CTSH: variants seen among roughly 807,000 people sequenced by gnomAD.
CTSH encodes the protein pro-cathepsin H.
CTSH carries 52 observed loss-of-function variants against 56.3 expected under a neutral mutation model. That is an observed-to-expected ratio of 0.92 (90% CI 0.74 to 1.16). The LOEUF (loss-of-function observed/expected upper bound fraction) is 1.16. CTSH is among the 50% of genes most tolerant of loss of function. CTSH has a pLI of 0.00. For synonymous variants in CTSH, 174 were observed against 155.7 expected, an observed-to-expected ratio of 1.12 and a Z score of -0.88; for missense variants, 406 against 424.5, an observed-to-expected ratio of 0.96 and a Z score of 0.38.
chr15:78,935,693 C>G lies in CTSH; in HGVS notation c.287G>C (p.Trp96Ser), dbSNP rs760040268. The G allele has an allele frequency of 1.3e-5, 21 of 1,610,562 alleles. No individual in the cohort carries two copies. The South Asian group carries it at 2.3e-4, about 18-fold the overall frequency. Reference sequence around the variant, plus strand: ...AATTATACCTACCTGAGGCTCTGACCAGAGATACTTGTGTTTTATTTCAGC... The same window carrying G: ...AATTATACCTACCTGAGGCTCTGACGAGAGATACTTGTGTTTTATTTCAGC... ...SFAEIKHKYLWSEPQNCSATK... is the reference protein window; with the variant it reads ...SFAEIKHKYLSSEPQNCSATK... Residue 96 changes from tryptophan to serine, a missense_variant, in exon 4 of 12, where the codon TGG becomes TCG. By Grantham distance (177) the Trp-to-Ser change is radical. Coordinates refer to ENST00000220166, the MANE Select transcript of CTSH (RefSeq NM_004390.5).
intron 1 of CTSH, among the ~76,000 whole-genome samples, chr15:78,942,213 T>C (rs2055310134): frequency 7.8e-6 from 1 of 127,570 alleles, no homozygotes; most frequent in Admixed American, 8.4e-5. Flanking sequence ...CTTTCTTTCC[T>C]TCTTTTTTTT....
chr15:78,937,452 A>C (rs2055200491), intron 2 of CTSH, 29 bp from the exon 3 acceptor site: 2 of 1,587,428 alleles, frequency 1.3e-6, no homozygotes, highest in Non-Finnish European at 1.7e-6. Context: ...GTAGCAAGTC[A>C]TGGAAACAGG....
At chr15:78,925,201 C>T in intron 10 of CTSH, 133 bp downstream of exon 10, 1 of 615,734 alleles carries the variant, frequency 1.6e-6, no homozygotes. Context: ...AAACGCCCAG[C>T]ACCTGGCAGG....
chr15:78,931,359 A>G (rs1567361294), intron 7 of CTSH, 92 bp downstream of exon 7: 2 of 1,534,536 alleles, frequency 1.3e-6, no homozygotes, highest in South Asian at 1.1e-5. Context: ...GTGGTGGGTT[A>G]TATCTGTGGC....
intron 1 of CTSH, 27 bp downstream of exon 1, chr15:78,944,864 C>T: frequency 1.3e-6 from 2 of 1,543,360 alleles, no homozygotes; most frequent in South Asian, 2.4e-5. Flanking sequence ...TGCTAGCACC[C>T]TCTCGGGCGG....
chr15:78,934,320 C>G (rs750145135), intron 5 of CTSH, among the ~76,000 whole-genome samples: 1 of 152,214 alleles, frequency 6.6e-6, no homozygotes, highest in Non-Finnish European at 1.5e-5. Flanking sequence ...GTCCAGAGGT[C>G]GGCATCCTTC....
rs2054883707 is a variant in CTSH at position 78,925,448 on chromosome 15, A to C, written c.700-8T>G. The C allele has an allele frequency of 1.3e-6, 2 of 1,592,384 alleles. No homozygotes were observed. The highest frequency in any genetic ancestry group is 1.7e-6 in the Non-Finnish European group (2 of 1,160,584). On this transcript the variant is annotated splice_polypyrimidine_tract_variant and splice_region_variant and intron_variant, in intron 9 of 11. Transcript: ENST00000220166. ...CATCGCTTCCTCGTCATACTGTGGA[A>C]ACAGGACCGAGACAGAAACACATGG...
intron 1 of CTSH, among the ~76,000 whole-genome samples, chr15:78,943,097 T>A (rs2055328602): frequency 1.3e-5 from 2 of 152,102 alleles, no homozygotes; most frequent in Non-Finnish European, 2.9e-5. Flanking sequence ...GACTACCAGT[T>A]TGCCTCTGGA....
intron 5 of CTSH, among the ~76,000 whole-genome samples, chr15:78,933,052 G>C (rs1421940960): frequency 6.6e-6 from 1 of 150,890 alleles, no homozygotes; most frequent in Non-Finnish European, 1.5e-5. Context: ...ACCCCACCCA[G>C]ACACCCCTGA....
chr15:78,929,362 G>A lies in CTSH; in HGVS notation c.630+50C>T, dbSNP rs573238755. ...CTTCCAAGGCTGGGGAGGGAGTGAA[G>A]CTAGGCATGCTGTACGCCAAGAAGA... is the stretch of plus-strand genomic sequence containing the variant. On this transcript the variant is annotated intron_variant, in intron 8 of 11. Coordinates refer to ENST00000220166, the MANE Select transcript of CTSH (RefSeq NM_004390.5). 1,015 of 1,415,474 alleles carry A rather than the reference G, an allele frequency of 7.2e-4. 14 individuals are homozygous for A. The South Asian group carries it at 0.011, about 15-fold the overall frequency. The allele number at this position is 1,415,474 out of a possible 1,614,324, so 87.7% of individuals were successfully genotyped here. A position where few individuals can be genotyped will look rare whatever the true frequency, so the allele number is the denominator to read the frequency against.
At chr15:78,933,462 G>C in intron 5 of CTSH, 1 of 394,582 alleles carries the variant, frequency 2.5e-6, no homozygotes, top group Non-Finnish European at 4.9e-6. Flanking sequence ...TTCTACTTCT[G>C]AAATGTCTCT....
intron 7 of CTSH, 43 bp downstream of exon 7, chr15:78,931,408 G>T (rs751508768): frequency 1.2e-6 from 2 of 1,613,214 alleles, no homozygotes; most frequent in Non-Finnish European, 1.7e-6. Context: ...AGCGGTCAGT[G>T]GGAAATGAGG....
intron 11 of CTSH, 125 bp from the exon 12 acceptor site, chr15:78,922,330 G>C (rs527548236): frequency 2.6e-5 from 19 of 734,104 alleles, no homozygotes; most frequent in Non-Finnish European, 4.5e-5. Context: ...TCATAAAACA[G>C]TAGCATTCGG....
chr15:78,925,613 ATC>A, intron 9 of CTSH, 173 bp from the exon 10 acceptor site: 3 of 557,712 alleles, frequency 5.4e-6, no homozygotes, highest in South Asian at 1.9e-5. Context: ...CTGTCTGGCC[ATC>A]TCTCGTTCCT....
chr15:78,931,842 A>G (rs2055068003), intron 6 of CTSH: 1 of 1,273,854 alleles, frequency 7.9e-7, no homozygotes. Context: ...TGGGGGAAAC[A>G]GGCCCAGCCA....
At chr15:78,937,530 T>C in intron 2 of CTSH, 107 bp from the exon 3 acceptor site, 8 of 1,359,560 alleles carry the variant, frequency 5.9e-6, no homozygotes, top group Admixed American at 2.5e-5. Flanking sequence ...CTTTCTGCTA[T>C]GATTCTCAGG....
At position 78,937,402 on chromosome 15, in the gene CTSH, C is replaced by A. The variant is rs1163529954; in HGVS notation, c.145G>T (p.Glu49Ter). 1 of 1,614,196 alleles carries A rather than the reference C, an allele frequency of 6.2e-7. No homozygotes were observed. The highest frequency in any genetic ancestry group is 1.7e-5 in the Admixed American group (1 of 60,028). ...MSKHRKTYSTEEYHHRLQTFA... is the reference protein window; with the variant it reads ...MSKHRKTYST ...GTCTGCAGCCTGTGGTGGTACTCCT[C>A]CGTACTGTAGGTCTTACGGTGCTAA... Residue 49 changes from glutamate (E) to a stop codon, truncating the protein, a stop_gained, in exon 3 of 12, where the codon GAG becomes TAG. Transcript: ENST00000220166. LOFTEE classifies it high-confidence loss of function.
chr15:78,932,100 C>G, intron 6 of CTSH: 1 of 1,256,802 alleles, frequency 8.0e-7, no homozygotes, highest in African/African-American at 1.5e-5. Flanking sequence ...CTTTCTGAAC[C>G]CCTCCGCCGG....
chr15:78,925,175 A>C (rs2054875862), intron 10 of CTSH, among the ~76,000 whole-genome samples, 159 bp downstream of exon 10: 1 of 152,140 alleles, frequency 6.6e-6, no homozygotes, highest in Admixed American at 6.5e-5. Context: ...TGTGAGGATT[A>C]ACTGAGGGAT....
Sources: gnomAD v4.1 joint callset for allele counts (sites outside exome capture counted in the v4.1 genomes callset) on GRCh38, gnomAD v4.1.1 for gene constraint, MANE v1.5 for transcripts, NCBI Gene and HGNC (gene_info 2026-07-23, HGNC 2026-07-21) for gene names.